Variants in SRGAP1 observed in about 807,000 individuals in gnomAD.
The protein encoded by SRGAP1 is SLIT-ROBO Rho GTPase-activating protein 1.
SRGAP1 carries 43 observed loss-of-function variants against 121.9 expected under a neutral mutation model. The observed-to-expected ratio is 0.35, with a 90% CI of 0.28 to 0.46. The LOEUF is 0.46. Ranked by LOEUF, SRGAP1 falls within the 20% of genes least tolerant of loss-of-function variation. SRGAP1 has a pLI of 1.00. For missense variants in SRGAP1, 1,102 were observed against 1,350.9 expected (o/e 0.82, Z 2.89); for synonymous variants, 447 against 485.4 (o/e 0.92, Z 1.04).
At chr12:64,010,845 T>G (rs2034232108) in intron 3 of SRGAP1, among the ~76,000 whole-genome samples, 1 of 151,728 alleles carries the variant, frequency 6.6e-6, no homozygotes, top group Non-Finnish European at 1.5e-5. Flanking sequence ...ACAAGGTAGT[T>G]TGAACACAGG....
chr12:63,874,091 G>C (rs1297897399), intron 1 of SRGAP1, among the ~76,000 whole-genome samples: 1 of 151,738 alleles, frequency 6.6e-6, no homozygotes, highest in East Asian at 1.9e-4. Flanking sequence ...GAGAGACAGA[G>C]AAAGAAAGGA....
At position 64,132,248 on chromosome 12, in the gene SRGAP1, A is replaced by T. The variant is rs972483710; in HGVS notation, c.2880+4048A>T. ...CAAAATCCTAGAGGCCTCCGCTGTG[A>T]TTCACCTATGGGGGCCTGCCAAAGG... On this transcript the variant is annotated intron_variant, in intron 21 of 21. Transcript: ENST00000355086. Among the ~76,000 whole-genome samples the T allele has an allele frequency of 2.6e-5, 4 of 152,196 alleles. No homozygotes were observed. The East Asian group carries it at 7.7e-4, about 29-fold the overall frequency.
At chr12:63,912,917 G>T (rs1565947540) in intron 1 of SRGAP1, among the ~76,000 whole-genome samples, 1 of 152,080 alleles carries the variant, frequency 6.6e-6, no homozygotes, top group Non-Finnish European at 1.5e-5. Flanking sequence ...TCACTTGTGA[G>T]TATCACTGGG....
At chr12:64,072,106 C>CTG (rs1212999220) in intron 8 of SRGAP1, among the ~76,000 whole-genome samples, 317 of 37,690 alleles carry the variant, frequency 8.4e-3, no homozygotes, top group Middle Eastern at 0.019. Flanking sequence ...CCCAATCTCT[C>CTG]TCTGTGTGTG....
At chr12:64,124,282 T>C (rs2036653343) in intron 18 of SRGAP1, among the ~76,000 whole-genome samples, 1 of 152,236 alleles carries the variant, frequency 6.6e-6, no homozygotes, top group Non-Finnish European at 1.5e-5. Flanking sequence ...ATGCAATGAT[T>C]ATAAGTACAA....
intron 1 of SRGAP1, among the ~76,000 whole-genome samples, chr12:63,848,339 G>T (rs1329427133): frequency 6.6e-6 from 1 of 152,030 alleles, no homozygotes; most frequent in Non-Finnish European, 1.5e-5. Context: ...CACTGTGGCT[G>T]CCTGCACAGG....
chr12:64,126,577 T>A (rs753812555), intron 19 of SRGAP1, among the ~76,000 whole-genome samples: 2 of 152,186 alleles, frequency 1.3e-5, no homozygotes, highest in African/African-American at 4.8e-5. Context: ...TGTTTTTTGC[T>A]GAGGAGAAAG....
chr12:63,851,351 G>A (rs1265281771), intron 1 of SRGAP1, among the ~76,000 whole-genome samples: 2 of 152,024 alleles, frequency 1.3e-5, no homozygotes, highest in East Asian at 1.9e-4. Flanking sequence ...TCAGCACTTT[G>A]GGAGGCAGAG....
intron 5 of SRGAP1, 139 bp downstream of exon 5, chr12:64,043,111 T>A: frequency 1.5e-6 from 1 of 683,046 alleles, no homozygotes; most frequent in Non-Finnish European, 2.4e-6. Flanking sequence ...TGAGAAATGT[T>A]TAGGAAATAT....
intron 21 of SRGAP1, among the ~76,000 whole-genome samples, chr12:64,129,756 A>G (rs528609542): frequency 1.2e-4 from 18 of 152,374 alleles, no homozygotes; most frequent in African/African-American, 4.3e-4. Context: ...TAGGAAGTCA[A>G]TATAATCTTA....
chr12:63,988,373 A>G (rs1442243459), intron 2 of SRGAP1, among the ~76,000 whole-genome samples: 2 of 152,294 alleles, frequency 1.3e-5, no homozygotes, highest in Non-Finnish European at 2.9e-5. Context: ...AAAAGCTCCA[A>G]TTACCTGTTA....
At chr12:64,104,356 A>C (rs2036305759) in intron 15 of SRGAP1, among the ~76,000 whole-genome samples, 1 of 152,216 alleles carries the variant, frequency 6.6e-6, no homozygotes, top group Non-Finnish European at 1.5e-5. Flanking sequence ...ACCTAATTAC[A>C]TGAGACCTTG....
intron 1 of SRGAP1, among the ~76,000 whole-genome samples, chr12:63,852,701 C>T (rs1899115631): frequency 6.6e-6 from 1 of 152,156 alleles, no homozygotes; most frequent in Admixed American, 6.6e-5. Flanking sequence ...TTTGACTTAC[C>T]TGTGGGTGAA....
intron 6 of SRGAP1, among the ~76,000 whole-genome samples, chr12:64,048,251 T>C (rs1326483186): frequency 6.6e-6 from 1 of 152,190 alleles, no homozygotes; most frequent in Non-Finnish European, 1.5e-5. Flanking sequence ...GTGAAGTTTG[T>C]CTTTCTGTGC....
intron 1 of SRGAP1, among the ~76,000 whole-genome samples, chr12:63,859,072 T>C (rs1006330064): frequency 6.6e-6 from 1 of 152,246 alleles, no homozygotes; most frequent in African/African-American, 2.4e-5. Context: ...ATAATACTGA[T>C]GATAGTATTC....
intron 1 of SRGAP1, among the ~76,000 whole-genome samples, chr12:63,857,063 T>C (rs1899274911): frequency 6.6e-6 from 1 of 152,140 alleles, no homozygotes; most frequent in African/African-American, 2.4e-5. Flanking sequence ...TTCTACTTTC[T>C]ATTATGCAGA....
chr12:64,006,498 C>T (rs1448137394), intron 3 of SRGAP1, among the ~76,000 whole-genome samples: 3 of 152,106 alleles, frequency 2.0e-5, no homozygotes, highest in African/African-American at 4.8e-5. Flanking sequence ...ATTTGAATCT[C>T]AGTTTGAGGA....
intron 1 of SRGAP1, among the ~76,000 whole-genome samples, chr12:63,860,534 G>A (rs546071683): frequency 1.3e-5 from 2 of 152,054 alleles, no homozygotes; most frequent in African/African-American, 2.4e-5. Context: ...TCATCAAGGA[G>A]AAAAAAATCT....
chr12:64,141,081 A>T (rs1269419381), intron 21 of SRGAP1, among the ~76,000 whole-genome samples: 13 of 139,250 alleles, frequency 9.3e-5, no homozygotes, highest in African/African-American at 3.1e-4. Context: ...ATGAGATCAC[A>T]TGGACACAGG....
Sources: gnomAD v4.1 joint callset for allele counts (sites outside exome capture counted in the v4.1 genomes callset) on GRCh38, gnomAD v4.1.1 for gene constraint, MANE v1.5 for transcripts, NCBI Gene and HGNC (gene_info 2026-07-23, HGNC 2026-07-21) for gene names.